HFM1: variants seen among roughly 807,000 people sequenced by gnomAD.
HFM1 encodes the protein probable ATP-dependent DNA helicase HFM1.
In HFM1, 169 loss-of-function variants were observed where a neutral mutation model predicts 192.1. The ratio of observed to expected loss-of-function variants is 0.88; its 90% CI spans 0.78 to 1.00. The LOEUF (loss-of-function observed/expected upper bound fraction) is 1.00, where lower values mean the gene tolerates loss of function less well. Ranked by LOEUF, HFM1 falls within the 50% of genes least tolerant of loss-of-function variation. The probability of loss-of-function intolerance (pLI) is 0.00; values close to 1 mark genes in which losing one functional copy is unlikely to be tolerated. For synonymous variants in HFM1, 525 were observed against 537.8 expected (o/e 0.98, Z 0.33); for missense variants, 1,661 against 1,668.0 (o/e 1.00, Z 0.07).
intron 13 of HFM1, among the ~76,000 whole-genome samples, chr1:91,362,024 G>C (rs1203644551): frequency 2.0e-5 from 3 of 152,072 alleles, no homozygotes; most frequent in South Asian, 2.1e-4. Flanking sequence ...CAACAAACTA[G>C]GTATTGAAGG....
At chr1:91,279,262 C>T (rs1336020519) in intron 30 of HFM1, among the ~76,000 whole-genome samples, 1 of 152,160 alleles carries the variant, frequency 6.6e-6, no homozygotes, top group East Asian at 1.9e-4. Context: ...ATAAACCTAA[C>T]GTTCCTCAGA....
At chr1:91,312,758 TA>T (rs1650653826) in intron 30 of HFM1, among the ~76,000 whole-genome samples, 1 of 152,164 alleles carries the variant, frequency 6.6e-6, no homozygotes, top group South Asian at 2.1e-4. Context: ...TTGGAGGGGC[TA>T]GGGGTGGAAT....
At chr1:91,311,811 T>G (rs1338448079) in intron 30 of HFM1, among the ~76,000 whole-genome samples, 2 of 152,176 alleles carry the variant, frequency 1.3e-5, no homozygotes, top group Non-Finnish European at 2.9e-5. Context: ...CGGCAGCCCC[T>G]TCTATCACAG....
intron 17 of HFM1, 40 bp from the exon 18 acceptor site, chr1:91,350,911 A>T: frequency 6.7e-7 from 1 of 1,503,614 alleles, no homozygotes; most frequent in South Asian, 1.3e-5. Flanking sequence ...ATGCAGTTCA[A>T]TGCCATAACT....
At chr1:91,314,153 C>A in intron 28 of HFM1, 93 bp from the exon 29 acceptor site, 2 of 693,830 alleles carry the variant, frequency 2.9e-6, no homozygotes, top group Non-Finnish European at 4.7e-6. Context: ...AAGATACTCT[C>A]TAGTAGTAAA....
At chr1:91,272,741 T>C (rs1261724925) in intron 34 of HFM1, among the ~76,000 whole-genome samples, 1 of 152,104 alleles carries the variant, frequency 6.6e-6, no homozygotes, top group Admixed American at 6.6e-5. Context: ...AGGGAACTTT[T>C]CTTGATCTCA....
rs201469392 is a variant in HFM1 at position 91,313,511 on chromosome 1, A to G, written c.3245-16T>C. 155 of 1,539,312 alleles carry G rather than the reference A, an allele frequency of 1.0e-4. No individual in the cohort carries two copies. In the African/African-American group the frequency reaches 1.9e-3, roughly 19 times the overall value. On this transcript the variant is annotated splice_polypyrimidine_tract_variant and intron_variant, in intron 29 of 38. Transcript: ENST00000370425. ...TCAAGCCCAACTGGAAAATGAAAAA[A>G]AAGTACACAAATGTTTATTTGTCAT...
intron 1 of HFM1, among the ~76,000 whole-genome samples, chr1:91,403,299 AAT>A (rs1169841531): frequency 5.3e-5 from 8 of 152,168 alleles, no homozygotes; most frequent in Non-Finnish European, 1.0e-4. Flanking sequence ...AGTTTATAAA[AAT>A]AGTGTCAAAT....
At chr1:91,384,130 A>G (rs1010096263) in intron 6 of HFM1, among the ~76,000 whole-genome samples, 6 of 152,150 alleles carry the variant, frequency 3.9e-5, no homozygotes, top group Non-Finnish European at 8.8e-5. Context: ...TTCTTTCCAA[A>G]TGTATTTCAT....
At chr1:91,364,635 T>TTA (rs1659025772) in intron 13 of HFM1, among the ~76,000 whole-genome samples, 1 of 129,792 alleles carries the variant, frequency 7.7e-6, no homozygotes. Context: ...TATATATATT[T>TTA]TTTTTTTTTT....
intron 19 of HFM1, among the ~76,000 whole-genome samples, chr1:91,344,750 C>CT (rs1655898822): frequency 1.4e-4 from 8 of 57,338 alleles, no homozygotes; most frequent in South Asian, 9.5e-4. Context: ...CTTTTCTTTT[C>CT]TTGTTTTTTT....
chr1:91,356,226 A>G (rs1194677196), intron 13 of HFM1, among the ~76,000 whole-genome samples: 2 of 152,094 alleles, frequency 1.3e-5, no homozygotes, highest in African/African-American at 4.8e-5. Context: ...AGATGCAGCA[A>G]AAGTGGTTCT....
chr1:91,301,147 A>T (rs1261510899), intron 30 of HFM1, among the ~76,000 whole-genome samples: 5 of 152,088 alleles, frequency 3.3e-5, no homozygotes, highest in African/African-American at 4.8e-5. Context: ...AATAACAGAC[A>T]AACAGAGCCA....
chr1:91,315,351 A>C (rs1320467586), intron 28 of HFM1, among the ~76,000 whole-genome samples: 1 of 152,218 alleles, frequency 6.6e-6, no homozygotes, highest in Non-Finnish European at 1.5e-5. Context: ...GGCATGCTAC[A>C]GAACTAGATA....
At chr1:91,303,533 T>A (rs1299638980) in intron 30 of HFM1, among the ~76,000 whole-genome samples, 1 of 152,230 alleles carries the variant, frequency 6.6e-6, no homozygotes, top group Non-Finnish European at 1.5e-5. Flanking sequence ...CACCTAGGAG[T>A]ACAATTGCTG....
Position 91,316,132 on chromosome 1 carries a change from T to C in HFM1, c.2951A>G (p.Tyr984Cys), listed in dbSNP as rs752159277. Residue 984 changes from tyrosine (Y) to cysteine (C), a missense_variant, in exon 27 of 39, where the codon TAT becomes TGT. Physicochemically the swap from Tyr to Cys is radical, Grantham distance 194 (BLOSUM62 -2). Coordinates refer to ENST00000370425, the MANE Select transcript of HFM1 (RefSeq NM_001017975.6). ...CACTTTAAGTTCATATTTTGGTAGATACATCACAGTTTCTTTTATCTGGGT... is the reference window on the plus strand; with the variant it reads ...CACTTTAAGTTCATATTTTGGTAGACACATCACAGTTTCTTTTATCTGGGT... The part of the protein sequence containing the change: ...FGTQIKETVM[Y>C]LPKYELKVEQ... The C allele has an allele frequency of 2.3e-5, 36 of 1,592,868 alleles. No individual in the cohort carries two copies. Among genetic ancestry groups the C allele is most frequent in the Non-Finnish European group, 3.0e-5 (35 of 1,165,502 alleles).
At chr1:91,363,967 T>G (rs1435883563) in intron 13 of HFM1, among the ~76,000 whole-genome samples, 1 of 152,074 alleles carries the variant, frequency 6.6e-6, no homozygotes, top group African/African-American at 2.4e-5. Context: ...TTCTCACTTA[T>G]AAGTGGGAGC....
intron 30 of HFM1, among the ~76,000 whole-genome samples, chr1:91,279,891 T>G (rs1449385772): frequency 6.6e-6 from 1 of 152,044 alleles, no homozygotes; most frequent in Non-Finnish European, 1.5e-5. Flanking sequence ...AACATAGTGG[T>G]GAAGTACAGG....
In HFM1 at chr1:91,262,321, T is replaced by C; in HGVS notation, c.4158A>G (p.Glu1386=). The change falls in exon 38 of 39, where the codon GAA becomes GAG. Residue 1386 remains glutamate (E), a synonymous_variant. Coordinates refer to ENST00000370425, the MANE Select transcript of HFM1 (RefSeq NM_001017975.6). ...TATAATTTGAAGAATTTGGGTTTTT[T>C]TCAGAGAAAGTAAAGCATTGCTTCT... ...EIEKQCFTFS[E]KNPNSSNYKK... 6.5e-7 allele frequency: 1 copy of C among 1,547,538 alleles called. No individual in the cohort carries two copies. The highest frequency in any genetic ancestry group is 1.2e-5 in the South Asian group (1 of 81,310).
Sources: gnomAD v4.1 joint callset for allele counts (sites outside exome capture counted in the v4.1 genomes callset) on GRCh38, gnomAD v4.1.1 for gene constraint, MANE v1.5 for transcripts, NCBI Gene and HGNC (gene_info 2026-07-23, HGNC 2026-07-21) for gene names.